The following C8orf34 variants were observed in gnomAD, a reference collection of about 807,000 sequenced individuals.
C8orf34 encodes uncharacterized protein C8orf34.
Under a neutral mutation model 68.3 loss-of-function variants are expected in C8orf34, and 65 were observed. That is an observed-to-expected ratio of 0.95 (90% CI 0.78 to 1.17). C8orf34 has a LOEUF of 1.17. Ranked by LOEUF, C8orf34 falls within the 50% of genes most tolerant of loss-of-function variation. The pLI is 0.00. For synonymous variants in C8orf34, 244 were observed against 241.2 expected, an observed-to-expected ratio of 1.01 and a Z score of -0.11; for missense variants, 664 against 655.4, an observed-to-expected ratio of 1.01 and a Z score of -0.14.
intron 7 of C8orf34, among the ~76,000 whole-genome samples, chr8:68,598,532 G>C (rs889941548): frequency 6.6e-6 from 1 of 152,076 alleles, no homozygotes; most frequent in African/African-American, 2.4e-5. Flanking sequence ...TGGCTTTAGG[G>C]TATCAACAAA....
At chr8:68,581,221 T>A (rs1256717791) in intron 7 of C8orf34, among the ~76,000 whole-genome samples, 1 of 152,052 alleles carries the variant, frequency 6.6e-6, no homozygotes, top group Admixed American at 6.6e-5. Flanking sequence ...TGTGGAGAAG[T>A]ATGATTGGAT....
chr8:68,438,916 G>A (rs1238792856), intron 1 of C8orf34: 1 of 152,138 alleles, frequency 6.6e-6, no homozygotes, highest in Admixed American at 6.5e-5. Context: ...CAGAAGGAAG[G>A]AAGAAGGAAG....
At chr8:68,338,761 T>C (rs1439818661) in intron 1 of C8orf34, among the ~76,000 whole-genome samples, 2 of 152,162 alleles carry the variant, frequency 1.3e-5, no homozygotes, top group Non-Finnish European at 2.9e-5. Context: ...ATATGGTAGG[T>C]ATATGTTAAA....
At chr8:68,642,442 A>G (rs1359739559) in intron 8 of C8orf34, among the ~76,000 whole-genome samples, 1 of 152,150 alleles carries the variant, frequency 6.6e-6, no homozygotes, top group Non-Finnish European at 1.5e-5. Flanking sequence ...ACTATAGAGA[A>G]TCTGAGATTT....
At chr8:68,541,909 T>C (rs1815715554) in intron 7 of C8orf34, among the ~76,000 whole-genome samples, 1 of 152,246 alleles carries the variant, frequency 6.6e-6, no homozygotes, top group Non-Finnish European at 1.5e-5. Flanking sequence ...TTTTAAACAA[T>C]TTGAAATATT....
chr8:68,734,788 C>G (rs1224298796), intron 10 of C8orf34, among the ~76,000 whole-genome samples: 2 of 152,180 alleles, frequency 1.3e-5, no homozygotes, highest in African/African-American at 2.4e-5. Flanking sequence ...GACTGTCCAA[C>G]CCAGGAGTTC....
intron 7 of C8orf34, among the ~76,000 whole-genome samples, chr8:68,591,851 G>T (rs181777567): frequency 5.3e-4 from 81 of 152,244 alleles, no homozygotes; most frequent in African/African-American, 1.9e-3. Flanking sequence ...CCCATGATCA[G>T]ACTATTACTA....
chr8:68,774,329 G>A (rs77595429), intron 10 of C8orf34, among the ~76,000 whole-genome samples: 17,972 of 119,860 alleles, frequency 0.15, 2,950 homozygotes, highest in African/African-American at 0.38. Context: ...ATGGGTGTGT[G>A]TGTATATATA....
At chr8:68,764,373 C>T (rs78949658) in intron 10 of C8orf34, among the ~76,000 whole-genome samples, 1,981 of 152,302 alleles carry the variant, frequency 0.013, 45 homozygotes, top group African/African-American at 0.043. Context: ...GACCTCTTGG[C>T]CCAGGCCTTG....
intron 7 of C8orf34, among the ~76,000 whole-genome samples, chr8:68,602,754 C>A (rs1293079878): frequency 6.6e-6 from 1 of 151,936 alleles, no homozygotes; most frequent in Admixed American, 6.6e-5. Flanking sequence ...AGATCGTTGA[C>A]ATCACTCTGG....
intron 12 of C8orf34, among the ~76,000 whole-genome samples, chr8:68,790,093 G>A (rs1205525914): frequency 7.2e-5 from 11 of 152,220 alleles, no homozygotes; most frequent in Non-Finnish European, 1.6e-4. Flanking sequence ...TCCCAGCACA[G>A]AGATGCAAAT....
intron 12 of C8orf34, among the ~76,000 whole-genome samples, chr8:68,810,183 C>T (rs1824602908): frequency 6.6e-6 from 1 of 152,190 alleles, no homozygotes; most frequent in Non-Finnish European, 1.5e-5. Context: ...GATCCCATGC[C>T]TGCCAAGGGC....
At chr8:68,537,050 A>G (rs1252832598) in intron 7 of C8orf34, among the ~76,000 whole-genome samples, 1 of 152,154 alleles carries the variant, frequency 6.6e-6, no homozygotes, top group East Asian at 1.9e-4. Flanking sequence ...TTATATTCTG[A>G]TCAACTTTTA....
intron 10 of C8orf34, among the ~76,000 whole-genome samples, chr8:68,763,431 G>A (rs1045311989): frequency 7.9e-5 from 12 of 152,044 alleles, no homozygotes; most frequent in African/African-American, 2.7e-4. Context: ...AATTCAACTG[G>A]ATCTTACTCC....
intron 1 of C8orf34, among the ~76,000 whole-genome samples, chr8:68,367,662 C>T (rs1458190569): frequency 4.2e-5 from 6 of 141,738 alleles, no homozygotes; most frequent in African/African-American, 1.6e-4. Flanking sequence ...AAAAACCAAA[C>T]ACCACATATT....
At chr8:68,698,070 C>G (rs1007477490) in intron 8 of C8orf34, among the ~76,000 whole-genome samples, 2 of 151,998 alleles carry the variant, frequency 1.3e-5, no homozygotes, top group African/African-American at 4.8e-5. Context: ...TTACAACTTT[C>G]TAAAGAAGGT....
At chr8:68,638,008 G>T (rs1333816788) in intron 7 of C8orf34, among the ~76,000 whole-genome samples, 1 of 152,130 alleles carries the variant, frequency 6.6e-6, no homozygotes, top group South Asian at 2.1e-4. Context: ...GAGTCATTGT[G>T]GGTAGGTAAC....
At chr8:68,427,305 A>G (rs1810269155) in intron 1 of C8orf34, among the ~76,000 whole-genome samples, 1 of 152,188 alleles carries the variant, frequency 6.6e-6, no homozygotes, top group African/African-American at 2.4e-5. Context: ...TTTAAAGGTT[A>G]TTAATGAATG....
At chr8:68,446,557 C>G in intron 3 of C8orf34, 97 bp downstream of exon 3, 2 of 1,274,102 alleles carry the variant, frequency 1.6e-6, no homozygotes, top group South Asian at 1.5e-5. Context: ...AACTTTTCAT[C>G]TGATATTTCT....
Sources: gnomAD v4.1 joint callset for allele counts (sites outside exome capture counted in the v4.1 genomes callset) on GRCh38, gnomAD v4.1.1 for gene constraint, MANE v1.5 for transcripts, NCBI Gene and HGNC (gene_info 2026-07-23, HGNC 2026-07-21) for gene names.